The following IL1RL1 variants were observed in gnomAD, a reference collection of about 807,000 sequenced individuals.
IL1RL1 encodes the protein interleukin-1 receptor-like 1.
IL1RL1 carries 32 observed loss-of-function variants against 50.9 expected under a neutral mutation model. The ratio of observed to expected loss-of-function variants is 0.63; its 90% confidence interval spans 0.47 to 0.84. The LOEUF is 0.84. Ranked by LOEUF, IL1RL1 falls within the 40% of genes least tolerant of loss-of-function variation. IL1RL1 has a pLI of 0.00. For missense variants in IL1RL1, 773 were observed against 662.9 expected (o/e 1.17, Z -1.82); for synonymous variants, 275 against 236.0 (o/e 1.17, Z -1.51).
At chr2:102,343,765 C>G (rs763979981) in intron 8 of IL1RL1, 1 of 1,152,628 alleles carries the variant, frequency 8.7e-7, no homozygotes, top group African/African-American at 1.6e-5. Flanking sequence ...TGAACGTGTT[C>G]TTTTGTGCTC....
intron 1 of IL1RL1, among the ~76,000 whole-genome samples, chr2:102,333,046 G>A (rs965725812): frequency 6.6e-6 from 1 of 152,098 alleles, no homozygotes; most frequent in Non-Finnish European, 1.5e-5. Context: ...GGGTCAGAGA[G>A]GTGATTGGTG....
At chr2:102,337,399 G>T (rs1677365542) in intron 1 of IL1RL1, 2 of 152,146 alleles carry the variant, frequency 1.3e-5, no homozygotes, top group African/African-American at 2.4e-5. Flanking sequence ...TCATGATTGT[G>T]TTTATCTTTA....
intron 9 of IL1RL1, among the ~76,000 whole-genome samples, chr2:102,348,499 C>T (rs1677841691): frequency 6.6e-6 from 1 of 152,154 alleles, no homozygotes; most frequent in Non-Finnish European, 1.5e-5. Flanking sequence ...GTGTGTTCTA[C>T]CTGAAACCCT....
chr2:102,341,151 T>C, intron 5 of IL1RL1: 1 of 1,091,734 alleles, frequency 9.2e-7, no homozygotes, highest in Non-Finnish European at 1.1e-6. Flanking sequence ...ATACAACTAT[T>C]TGGAGAGCAA....
chr2:102,326,118 C>T (rs1416162478), intron 1 of IL1RL1, among the ~76,000 whole-genome samples: 3 of 152,156 alleles, frequency 2.0e-5, no homozygotes, highest in Non-Finnish European at 2.9e-5. Flanking sequence ...TCGGGTTACC[C>T]ACAAGGGGAA....
chr2:102,338,165 C>T lies in IL1RL1; in HGVS notation c.-100C>T. 3 of 684,934 alleles carry T rather than the reference C, an allele frequency of 4.4e-6. No individual in the cohort carries two copies. The highest frequency in any genetic ancestry group is 7.8e-6 in the Non-Finnish European group (3 of 386,718). 42.4% of individuals were successfully genotyped at this position (684,934 alleles called of 1,614,324 possible). A position where few individuals can be genotyped will look rare whatever the true frequency, so the allele number is the denominator to read the frequency against. ...ACTCAGTCTTGAAGAGTATCACCAA[C>T]TGCCTCATGTGTGGTGACCTTCACT... On this transcript the variant is annotated 5_prime_UTR_variant, in exon 2 of 11. Coordinates refer to ENST00000233954, the MANE Select transcript of IL1RL1 (RefSeq NM_016232.5).
In IL1RL1 at chr2:102,338,326, G is replaced by C. The variant is rs745563099; in HGVS notation, c.61+1G>C. The C allele has an allele frequency of 2.3e-5, 36 of 1,546,178 alleles. 1 individual carries two copies. In the East Asian group the frequency reaches 8.1e-4, roughly 35 times the overall value. On this transcript the variant is annotated splice_donor_variant, in intron 2 of 10. Transcript: ENST00000233954. LOFTEE classifies it high-confidence loss of function. ...ATGTATTCCACAGCAGCAAAGTTTA[G>C]TAAGTATTGCCTTCTAAGTATAATT...
At chr2:102,336,933 A>G (rs2104981177) in intron 1 of IL1RL1, among the ~76,000 whole-genome samples, 1 of 152,286 alleles carries the variant, frequency 6.6e-6, no homozygotes, top group Non-Finnish European at 1.5e-5. Flanking sequence ...GAGTCAAGGA[A>G]TATCTGGAAA....
intron 10 of IL1RL1, 68 bp downstream of exon 10, chr2:102,349,314 T>C (rs1677870183): frequency 7.9e-7 from 1 of 1,268,408 alleles, no homozygotes; most frequent in African/African-American, 1.5e-5. Flanking sequence ...TAGGTGGCCT[T>C]ATCCCTGCAT....
At chr2:102,339,610 G>A (rs1348692767) in intron 3 of IL1RL1, 2 of 154,186 alleles carry the variant, frequency 1.3e-5, no homozygotes, top group African/African-American at 4.8e-5. Context: ...GACTAGACAA[G>A]TGTCAAATTC....
At chr2:102,324,668 C>T (rs1288599363) in intron 1 of IL1RL1, among the ~76,000 whole-genome samples, 1 of 152,224 alleles carries the variant, frequency 6.6e-6, no homozygotes, top group Non-Finnish European at 1.5e-5. Context: ...CTGTGCTTTT[C>T]CAATGGTCTT....
chr2:102,316,456 G>C (rs1676675494), intron 1 of IL1RL1, among the ~76,000 whole-genome samples: 1 of 152,120 alleles, frequency 6.6e-6, no homozygotes, highest in African/African-American at 2.4e-5. Context: ...AAGTAACACA[G>C]TTGCTCAAGT....
chr2:102,351,889 A>G lies in IL1RL1; in HGVS notation c.1639A>G (p.Ser547Gly). The G allele has an allele frequency of 6.2e-7, 1 of 1,613,416 alleles. No individual in the cohort carries two copies. Among genetic ancestry groups the G allele is most frequent in the Non-Finnish European group, 8.5e-7 (1 of 1,179,682 alleles). The stretch of plus-strand genomic sequence containing the variant: ...AAGCAAAATTCCCAGAAAGGCCTCT[A>G]GTTTGACTCCCTTGGCTGCCCAGAA... ...VPSKIPRKAS[S>G]LTPLAAQKQ The change falls in exon 11 of 11, where the codon AGT becomes GGT. Residue 547 changes from serine (S) to glycine (G), a missense_variant. By Grantham distance (56) the Ser-to-Gly change is moderately conservative. Coordinates refer to ENST00000233954, the MANE Select transcript of IL1RL1 (RefSeq NM_016232.5).
chr2:102,339,252 T>C, intron 3 of IL1RL1: 1 of 526,528 alleles, frequency 1.9e-6, no homozygotes, highest in Non-Finnish European at 3.4e-6. Flanking sequence ...TATTTGGATT[T>C]ACAGTTGCAG....
chr2:102,317,042 C>A (rs1177628225), intron 1 of IL1RL1, among the ~76,000 whole-genome samples: 1 of 152,138 alleles, frequency 6.6e-6, no homozygotes, highest in Non-Finnish European at 1.5e-5. Flanking sequence ...ATTTTAAAAT[C>A]AGAGCAATTT....
chr2:102,321,510 C>T lies in IL1RL1; in HGVS notation c.-150+9887C>T, dbSNP rs558000827. Among the ~76,000 whole-genome samples the T allele has an allele frequency of 1.6e-4, 24 of 152,264 alleles. No homozygotes were observed. The South Asian group carries it at 2.3e-3, about 14-fold the overall frequency. On this transcript the variant is annotated intron_variant, in intron 1 of 10. Transcript: ENST00000233954. ...GTTGATGCAGTGTTGGTATGTGCGG[C>T]CATGTTAGATGTTAGAACACTGACA...
Position 102,330,440 on chromosome 2 carries a change from T to G in IL1RL1, c.-149-7676T>G, listed in dbSNP as rs535419795. On this transcript the variant is annotated intron_variant, in intron 1 of 10. Transcript: ENST00000233954. Reference sequence around the variant, plus strand: ...CACAAACATGGCACATGTATACATATGTAAAAAACCTGCACGTTGTGCACA... The same window carrying G: ...CACAAACATGGCACATGTATACATAGGTAAAAAACCTGCACGTTGTGCACA... Among the ~76,000 whole-genome samples, 17 of 152,334 alleles carry G rather than the reference T, an allele frequency of 1.1e-4. 1 individual carries two copies. In the South Asian group the frequency reaches 3.5e-3, roughly 32 times the overall value.
rs559722641 is a variant in IL1RL1 at position 102,351,318 on chromosome 2, T to C, written c.1286-218T>C. On this transcript the variant is annotated intron_variant, in intron 10 of 10. Transcript: ENST00000233954. ...AGTTAAGACTAAGCTACCTGGGAAA[T>C]AAAAAGAGGACATTGGGGCTGATAT... is the stretch of plus-strand genomic sequence containing the variant. 8.0e-4 allele frequency among the ~76,000 whole-genome samples: 121 copies of C among 152,158 alleles called. 1 individual carries two copies. Among genetic ancestry groups the C allele is most frequent in the African/African-American group, 2.8e-3 (115 of 41,526 alleles).
At chr2:102,325,267 T>G (rs1364439597) in intron 1 of IL1RL1, among the ~76,000 whole-genome samples, 3 of 152,002 alleles carry the variant, frequency 2.0e-5, no homozygotes, top group Non-Finnish European at 4.4e-5. Flanking sequence ...TCCAGCAAAC[T>G]CCAACAGATC....
Sources: gnomAD v4.1 joint callset for allele counts (sites outside exome capture counted in the v4.1 genomes callset) on GRCh38, gnomAD v4.1.1 for gene constraint, MANE v1.5 for transcripts, NCBI Gene and HGNC (gene_info 2026-07-23, HGNC 2026-07-21) for gene names.